MROH7: variants seen among roughly 807,000 people sequenced by gnomAD.
MROH7 encodes maestro heat like repeat family member 7, also known as maestro heat-like repeat-containing protein family member 7.
MROH7 carries 113 observed loss-of-function variants against 129.2 expected under a neutral mutation model. That is an observed-to-expected ratio of 0.87 (90% CI 0.75 to 1.02). The LOEUF (loss-of-function observed/expected upper bound fraction) is 1.02. Ranked by LOEUF, MROH7 falls within the 50% of genes least tolerant of loss-of-function variation. The pLI, the probability that MROH7 is intolerant of heterozygous loss-of-function variation, is 0.00. For synonymous variants in MROH7, 655 were observed against 667.9 expected (o/e 0.98, Z 0.30); for missense variants, 1,601 against 1,671.3 (o/e 0.96, Z 0.73).
chr1:54,682,257 C>T (rs1300879288), intron 13 of MROH7, among the ~76,000 whole-genome samples: 4 of 151,466 alleles, frequency 2.6e-5, no homozygotes, highest in South Asian at 2.1e-4. Context: ...CTCTGCCTCC[C>T]GGGTTCAAGC....
intron 10 of MROH7, among the ~76,000 whole-genome samples, 168 bp downstream of exon 10, chr1:54,674,319 C>T (rs1644949874): frequency 6.6e-6 from 1 of 152,174 alleles, no homozygotes; most frequent in Non-Finnish European, 1.5e-5. Flanking sequence ...CCCAAGACCC[C>T]AGAGAACCAG....
At chr1:54,700,237 C>T in intron 17 of MROH7, 84 bp from the exon 18 acceptor site, 4 of 1,561,726 alleles carry the variant, frequency 2.6e-6, no homozygotes. Context: ...GCCTGGTATC[C>T]AATGTGCAAT....
Position 54,659,278 on chromosome 1 carries a change from T to TTTTA in MROH7, c.1231+5137_1231+5140dup, listed in dbSNP as rs1217524130. On this transcript the variant is annotated intron_variant, in intron 3 of 23. Transcript: ENST00000421030. ...CTTAGCTAATTTTTTGTATTTTAAT[T>TTTTA]TTTATTTATTTATTTATTTTTTGAG... The TTTTA allele has an allele frequency of 1.2e-4, 23 of 192,798 alleles. No individual in the cohort carries two copies. In the Admixed American group the frequency reaches 1.2e-3, roughly 10 times the overall value. The allele number at this position is 192,798 out of a possible 1,614,324, so 11.9% of individuals were successfully genotyped here. A position where few individuals can be genotyped will look rare whatever the true frequency, so the allele number is the denominator to read the frequency against.
intron 3 of MROH7, among the ~76,000 whole-genome samples, chr1:54,660,316 G>C (rs978529563): frequency 6.6e-6 from 1 of 152,172 alleles, no homozygotes; most frequent in African/African-American, 2.4e-5. Flanking sequence ...TCCCATTCTA[G>C]ACGGTGGAGC....
At chr1:54,668,815 G>C (rs754728274) in intron 4 of MROH7, 39 bp from the exon 5 acceptor site, 7 of 1,536,908 alleles carry the variant, frequency 4.6e-6, no homozygotes, top group Non-Finnish European at 6.3e-6. Flanking sequence ...GGCTCAGTGG[G>C]TCTCTCACTC....
chr1:54,709,840 A>T (rs1645594635), intron 23 of MROH7, 106 bp from the exon 24 acceptor site: 1 of 1,360,022 alleles, frequency 7.4e-7, no homozygotes, highest in South Asian at 1.4e-5. Context: ...GGGGATGCCA[A>T]GCAGAGGGTG....
intron 8 of MROH7, 97 bp from the exon 9 acceptor site, chr1:54,673,603 TG>T: frequency 1.2e-6 from 1 of 863,402 alleles, no homozygotes; most frequent in Non-Finnish European, 1.9e-6. Context: ...ATACCCTCTC[TG>T]GAAGCTTCCT....
intron 3 of MROH7, among the ~76,000 whole-genome samples, chr1:54,654,703 C>G (rs1294605720): frequency 1.3e-5 from 2 of 151,956 alleles, no homozygotes; most frequent in Non-Finnish European, 1.5e-5. Context: ...CTGTATAATA[C>G]TTCTATTCTG....
At chr1:54,642,357 A>G (rs1324766661) in intron 1 of MROH7, among the ~76,000 whole-genome samples, 1 of 152,194 alleles carries the variant, frequency 6.6e-6, no homozygotes. Flanking sequence ...TTTTGAATTC[A>G]GGTCTGCCTG....
intron 1 of MROH7, among the ~76,000 whole-genome samples, chr1:54,647,506 A>G (rs1569846742): frequency 6.6e-6 from 1 of 152,140 alleles, no homozygotes; most frequent in Non-Finnish European, 1.5e-5. Flanking sequence ...TTCGCAGGCC[A>G]AGGTGGGTGG....
Position 54,702,516 on chromosome 1 carries a change from G to T in MROH7, c.3442-107G>T, listed in dbSNP as rs1645457132. ...TAATTAAAAAAATTAAAAATGGTCA[G>T]CTTCACTTGTACAATTTCAAATAGA... is the stretch of plus-strand genomic sequence containing the variant. On this transcript the variant is annotated intron_variant, in intron 20 of 23. Transcript: ENST00000421030. 2.6e-6 allele frequency: 3 copies of T among 1,133,364 alleles called. No individual in the cohort carries two copies. The East Asian group carries it at 7.9e-5, about 30-fold the overall frequency. The allele number at this position is 1,133,364 out of a possible 1,614,324, so 70.2% of individuals were successfully genotyped here.
intron 21 of MROH7, 82 bp downstream of exon 21, chr1:54,702,827 C>G (rs929622399): frequency 4.7e-6 from 7 of 1,477,064 alleles, no homozygotes; most frequent in East Asian, 4.6e-5. Context: ...TCCTTCTTTT[C>G]CCACCAGCAT....
Position 54,669,438 on chromosome 1 carries a change from G to A in MROH7, c.1389+501G>A, listed in dbSNP as rs143923082. Among the ~76,000 whole-genome samples, 194 of 152,276 alleles carry A rather than the reference G, an allele frequency of 1.3e-3. 1 individual carries two copies. The highest frequency in any genetic ancestry group is 4.4e-3 in the African/African-American group (181 of 41,558). On this transcript the variant is annotated intron_variant, in intron 5 of 23. Transcript: ENST00000421030. ...GTACTTTACAGAGACAACCAAAAAAGTCCTTGCCCTCCATACCTTCATTTA... is the reference window on the plus strand; with the variant it reads ...GTACTTTACAGAGACAACCAAAAAAATCCTTGCCCTCCATACCTTCATTTA...
At chr1:54,646,641 TA>T (rs920965063) in intron 1 of MROH7, among the ~76,000 whole-genome samples, 3 of 150,946 alleles carry the variant, frequency 2.0e-5, no homozygotes, top group Admixed American at 6.6e-5. Context: ...TCACATCCAT[TA>T]AAAAAAAATG....
chr1:54,683,492 C>A (rs1645102313), intron 14 of MROH7, among the ~76,000 whole-genome samples: 1 of 152,194 alleles, frequency 6.6e-6, no homozygotes, highest in Non-Finnish European at 1.5e-5. Flanking sequence ...GGTCCATACC[C>A]CTGCCTACCT....
chr1:54,667,703 A>G (rs1049264454), intron 4 of MROH7, among the ~76,000 whole-genome samples: 71 of 151,066 alleles, frequency 4.7e-4, no homozygotes, highest in African/African-American at 1.7e-3. Context: ...TGATCTGCCC[A>G]CCTCGGCCTC....
At chr1:54,646,140 T>C (rs559185975) in intron 1 of MROH7, among the ~76,000 whole-genome samples, 2 of 152,304 alleles carry the variant, frequency 1.3e-5, no homozygotes, top group Admixed American at 6.5e-5. Context: ...CCACTTGTTA[T>C]CACTGGAGTG....
chr1:54,661,156 C>G (rs1644726888), intron 3 of MROH7, among the ~76,000 whole-genome samples: 1 of 151,892 alleles, frequency 6.6e-6, no homozygotes, highest in Non-Finnish European at 1.5e-5. Context: ...TGAATTTTGA[C>G]TCTTTTCTCC....
chr1:54,699,126 C>CTTTA (rs1227234201), intron 17 of MROH7: 1 of 91,726 alleles, frequency 1.1e-5, no homozygotes, highest in Non-Finnish European at 2.3e-5. Flanking sequence ...TTCTTTCTTT[C>CTTTA]TTTCTTTCTT....
Sources: gnomAD v4.1 joint callset for allele counts (sites outside exome capture counted in the v4.1 genomes callset) on GRCh38, gnomAD v4.1.1 for gene constraint, MANE v1.5 for transcripts, NCBI Gene and HGNC (gene_info 2026-07-23, HGNC 2026-07-21) for gene names.